The following DENND5B variants were observed in gnomAD, a reference collection of about 807,000 sequenced individuals.
The protein encoded by DENND5B is DENN domain-containing protein 5B.
DENND5B carries 34 observed loss-of-function variants against 140.6 expected under a neutral mutation model. The ratio of observed to expected loss-of-function variants is 0.24; its 90% CI spans 0.18 to 0.32. The LOEUF (loss-of-function observed/expected upper bound fraction) is 0.32. Among genes scored for constraint, DENND5B ranks in the 10% least tolerant of loss-of-function variants. The probability of loss-of-function intolerance (pLI) is 1.00; values close to 1 mark genes in which losing one functional copy is unlikely to be tolerated. For synonymous variants in DENND5B, 551 were observed against 562.1 expected, an observed-to-expected ratio of 0.98 and a Z score of 0.28; for missense variants, 1,142 against 1,560.2, an observed-to-expected ratio of 0.73 and a Z score of 4.52.
chr12:31,586,406 G>A (rs568747619), intron 1 of DENND5B, among the ~76,000 whole-genome samples: 244 of 152,278 alleles, frequency 1.6e-3, no homozygotes, highest in Middle Eastern at 3.4e-3. Flanking sequence ...CAAGAACTTC[G>A]ATGTGGTACA....
At chr12:31,536,566 C>G (rs981354388) in intron 1 of DENND5B, among the ~76,000 whole-genome samples, 17 of 151,570 alleles carry the variant, frequency 1.1e-4, no homozygotes, top group African/African-American at 4.1e-4. Flanking sequence ...AGTACACCTA[C>G]AAGATCTAGA....
At chr12:31,573,683 A>G (rs1949901422) in intron 1 of DENND5B, among the ~76,000 whole-genome samples, 2 of 152,250 alleles carry the variant, frequency 1.3e-5, no homozygotes, top group African/African-American at 4.8e-5. Flanking sequence ...AATTAAATCT[A>G]CAGAAGCTCT....
intron 1 of DENND5B, among the ~76,000 whole-genome samples, chr12:31,547,632 G>A (rs1948907120): frequency 6.6e-6 from 1 of 151,940 alleles, no homozygotes; most frequent in Admixed American, 6.6e-5. Flanking sequence ...TTCTGACCTC[G>A]TGATCCACTC....
chr12:31,441,425 G>A (rs1005924113), intron 7 of DENND5B, among the ~76,000 whole-genome samples: 1 of 151,034 alleles, frequency 6.6e-6, no homozygotes. Context: ...GGGCTCAAGT[G>A]ATCCTTCCTG....
In DENND5B at chr12:31,417,572, T is replaced by A. The variant is rs188846780; in HGVS notation, c.2471-2124A>T. Among the ~76,000 whole-genome samples, 66 of 152,198 alleles carry A rather than the reference T, an allele frequency of 4.3e-4. 1 individual carries two copies. The East Asian group carries it at 0.012, about 27-fold the overall frequency. ...GCTAACATTTATGAAAGCTAACAAT[T>A]ATGGGATTACAGGTGCGTGCCACCA... is the stretch of plus-strand genomic sequence containing the variant. On this transcript the variant is annotated intron_variant, in intron 11 of 20. Coordinates refer to ENST00000389082, the MANE Select transcript of DENND5B (RefSeq NM_144973.4).
intron 1 of DENND5B, among the ~76,000 whole-genome samples, chr12:31,550,838 T>C (rs1325084348): frequency 6.6e-6 from 1 of 152,216 alleles, no homozygotes; most frequent in Non-Finnish European, 1.5e-5. Flanking sequence ...TTTTTTCATG[T>C]GTTTTTTTGG....
At chr12:31,555,642 C>T (rs547936059) in intron 1 of DENND5B, among the ~76,000 whole-genome samples, 58 of 152,338 alleles carry the variant, frequency 3.8e-4, no homozygotes, top group Non-Finnish European at 5.7e-4. Flanking sequence ...GTGCCCTGCC[C>T]CCAGAGGTGG....
intron 1 of DENND5B, among the ~76,000 whole-genome samples, chr12:31,551,799 C>A (rs1226630908): frequency 1.3e-5 from 2 of 152,152 alleles, no homozygotes; most frequent in Non-Finnish European, 2.9e-5. Flanking sequence ...AAGTTGGATT[C>A]CTAGGTATTT....
intron 15 of DENND5B, among the ~76,000 whole-genome samples, chr12:31,402,260 G>A (rs1941844442): frequency 6.6e-6 from 1 of 152,026 alleles, no homozygotes; most frequent in Non-Finnish European, 1.5e-5. Context: ...AGAAGACCTA[G>A]AAAGCCCCAA....
intron 1 of DENND5B, among the ~76,000 whole-genome samples, chr12:31,564,846 C>T (rs1949576671): frequency 6.6e-6 from 1 of 152,046 alleles, no homozygotes. Flanking sequence ...ACCTCTGCCT[C>T]CCTAAGTGCT....
intron 19 of DENND5B, among the ~76,000 whole-genome samples, chr12:31,390,318 G>A (rs1941060880): frequency 6.6e-6 from 1 of 152,206 alleles, no homozygotes; most frequent in Admixed American, 6.5e-5. Context: ...TTAAGAAAAT[G>A]AAATTTACAT....
At chr12:31,554,663 G>A (rs1949208545) in intron 1 of DENND5B, among the ~76,000 whole-genome samples, 1 of 152,160 alleles carries the variant, frequency 6.6e-6, no homozygotes, top group African/African-American at 2.4e-5. Context: ...TTTCCAACTT[G>A]GTTCCATTCT....
chr12:31,504,550 G>T (rs1947122349), intron 1 of DENND5B, among the ~76,000 whole-genome samples: 1 of 152,072 alleles, frequency 6.6e-6, no homozygotes, highest in Non-Finnish European at 1.5e-5. Flanking sequence ...GAACCTTGGG[G>T]GCTGTTTTTC....
Position 31,590,889 on chromosome 12 carries a change from G to A in DENND5B, c.-57C>T. 2.5e-6 allele frequency: 3 copies of A among 1,177,594 alleles called. No individual in the cohort carries two copies. The highest frequency in any genetic ancestry group is 3.1e-6 in the Non-Finnish European group (3 of 955,866). 72.9% of individuals were successfully genotyped at this position (1,177,594 alleles called of 1,614,324 possible). On this transcript the variant is annotated 5_prime_UTR_variant, in exon 1 of 21. Coordinates refer to ENST00000389082, the MANE Select transcript of DENND5B (RefSeq NM_144973.4). ...CCGCCGCCCGGGAAGGCTTTCTGCG[G>A]AGGCTGCCACCACCGCTCCGGCTGT...
chr12:31,484,617 A>G (rs752582983), intron 2 of DENND5B, among the ~76,000 whole-genome samples: 15 of 152,130 alleles, frequency 9.9e-5, no homozygotes, highest in African/African-American at 2.9e-4. Flanking sequence ...CCTGGGCAAC[A>G]TGGTGAAATC....
intron 1 of DENND5B, among the ~76,000 whole-genome samples, chr12:31,538,797 A>C (rs1948588996): frequency 6.6e-6 from 1 of 152,128 alleles, no homozygotes; most frequent in Admixed American, 6.6e-5. Flanking sequence ...TGAACCTGGG[A>C]GGTGGAGGTT....
At chr12:31,550,778 C>G (rs1409977964) in intron 1 of DENND5B, among the ~76,000 whole-genome samples, 2 of 152,186 alleles carry the variant, frequency 1.3e-5, no homozygotes, top group African/African-American at 4.8e-5. Flanking sequence ...GAGATGGTAT[C>G]TCATTGCGGT....
chr12:31,473,285 T>G (rs1945642186), intron 3 of DENND5B, among the ~76,000 whole-genome samples: 2 of 152,230 alleles, frequency 1.3e-5, no homozygotes, highest in African/African-American at 4.8e-5. Context: ...GATAATATAT[T>G]AAAGTGTTAA....
intron 4 of DENND5B, among the ~76,000 whole-genome samples, chr12:31,455,435 C>A (rs920998847): frequency 2.6e-5 from 4 of 152,118 alleles, no homozygotes; most frequent in African/African-American, 9.7e-5. Flanking sequence ...CAAGCTGGGG[C>A]TTTGATTATC....
Sources: gnomAD v4.1 joint callset for allele counts (sites outside exome capture counted in the v4.1 genomes callset) on GRCh38, gnomAD v4.1.1 for gene constraint, MANE v1.5 for transcripts, NCBI Gene and HGNC (gene_info 2026-07-23, HGNC 2026-07-21) for gene names.